Variants in FOXO3 observed in about 807,000 individuals in gnomAD.
FOXO3 encodes the protein forkhead box O3.
A neutral mutation model predicts 41.9 loss-of-function variants in FOXO3; 4 were observed. The observed-to-expected ratio is 0.10, with a 90% CI of 0.05 to 0.22. The LOEUF is 0.22. Among genes scored for constraint, FOXO3 ranks in the 10% least tolerant of loss-of-function variants. The pLI, the probability that FOXO3 is intolerant of heterozygous loss-of-function variation, is 1.00. For synonymous variants in FOXO3, 318 were observed against 389.3 expected (o/e 0.82, Z 2.16); for missense variants, 534 against 906.8 (o/e 0.59, Z 5.28).
rs146904213 is a variant in FOXO3 at position 108,566,101 on chromosome 6, G to T, written c.621+4272G>T. 6.7e-3 allele frequency among the ~76,000 whole-genome samples: 1,027 copies of T among 152,260 alleles called. 17 individuals are homozygous for T. Among genetic ancestry groups the T allele is most frequent in the South Asian group, 0.055 (266 of 4,822 alleles). Reference sequence around the variant, plus strand: ...CTCTTTCTACAGCCCCAGTACACTAGAGGGACTGTTTTTCCTCTTTTTCAA... The same window carrying T: ...CTCTTTCTACAGCCCCAGTACACTATAGGGACTGTTTTTCCTCTTTTTCAA... On this transcript the variant is annotated intron_variant, in intron 1 of 2. Coordinates refer to ENST00000406360, the MANE Select transcript of FOXO3 (RefSeq NM_001455.4).
At chr6:108,623,983 C>T (rs189071404) in intron 1 of FOXO3, among the ~76,000 whole-genome samples, 1 of 152,286 alleles carries the variant, frequency 6.6e-6, no homozygotes, top group East Asian at 1.9e-4. Flanking sequence ...GGACAAGTAG[C>T]AGTCCTTGTT....
At chr6:108,645,068 C>T (rs1254587057) in intron 1 of FOXO3, among the ~76,000 whole-genome samples, 1 of 152,186 alleles carries the variant, frequency 6.6e-6, no homozygotes, top group South Asian at 2.1e-4. Flanking sequence ...CACCACCACT[C>T]TGGCCCTGAT....
rs1770850078 is a variant in FOXO3 at position 108,681,495 on chromosome 6, CT to C, written c.*1705del. ...CACACCACCGGCCACCAGGGGCCCC[CT>C]TGTGCGCCTTGGCTTTATAACTCCT... On this transcript the variant is annotated 3_prime_UTR_variant, in exon 3 of 3. Transcript: ENST00000406360. 1 of 151,394 alleles carries C rather than the reference CT, an allele frequency of 6.6e-6. No individual in the cohort carries two copies. The highest frequency in any genetic ancestry group is 1.9e-4 in the East Asian group (1 of 5,162). 9.4% of individuals were successfully genotyped at this position (151,394 alleles called of 1,614,324 possible). A position where few individuals can be genotyped will look rare whatever the true frequency, so the allele number is the denominator to read the frequency against.
chr6:108,560,895 C>A, upstream of FOXO3: 4 of 1,105,978 alleles, frequency 3.6e-6, no homozygotes, highest in Non-Finnish European at 4.7e-6. Context: ...CTCGCGGCTC[C>A]ATCGCGGCCT....
intron 1 of FOXO3, among the ~76,000 whole-genome samples, chr6:108,592,762 G>C (rs534357517): frequency 6.6e-6 from 1 of 152,024 alleles, no homozygotes; most frequent in African/African-American, 2.4e-5. Flanking sequence ...GGCATTTGTC[G>C]GCCACAGCTG....
At chr6:108,592,282 A>G (rs1396187974) in intron 1 of FOXO3, among the ~76,000 whole-genome samples, 2 of 152,192 alleles carry the variant, frequency 1.3e-5, no homozygotes, top group South Asian at 2.1e-4. Context: ...TTTGTATGTA[A>G]GTTACACCTC....
At chr6:108,583,616 AG>A (rs1325606903) in intron 1 of FOXO3, among the ~76,000 whole-genome samples, 1 of 152,184 alleles carries the variant, frequency 6.6e-6, no homozygotes, top group Non-Finnish European at 1.5e-5. Flanking sequence ...TTGGGAATTA[AG>A]CCCCCAAAGC....
At chr6:108,670,081 TGGGAGAAG>T (rs1779173912) in intron 2 of FOXO3, among the ~76,000 whole-genome samples, 1 of 152,148 alleles carries the variant, frequency 6.6e-6, no homozygotes, top group East Asian at 1.9e-4. Context: ...TATATGGAGA[TGGGAGAAG>T]GGGGCTTTCT....
chr6:108,571,899 C>G (rs972632022), intron 1 of FOXO3, among the ~76,000 whole-genome samples: 4 of 152,152 alleles, frequency 2.6e-5, no homozygotes, highest in Non-Finnish European at 5.9e-5. Flanking sequence ...TATTTAGATT[C>G]AAATCAAAGT....
intron 1 of FOXO3, among the ~76,000 whole-genome samples, chr6:108,590,350 A>G (rs1237762898): frequency 6.6e-6 from 1 of 152,164 alleles, no homozygotes; most frequent in Admixed American, 6.5e-5. Flanking sequence ...TTGAAATCCA[A>G]AATGCTCCAA....
intron 1 of FOXO3, among the ~76,000 whole-genome samples, chr6:108,583,038 T>C (rs894795156): frequency 6.6e-6 from 1 of 152,144 alleles, no homozygotes; most frequent in Non-Finnish European, 1.5e-5. Context: ...GATGAGGATA[T>C]TAAGGATCAA....
intron 1 of FOXO3, among the ~76,000 whole-genome samples, chr6:108,592,576 C>A (rs988818890): frequency 7.2e-5 from 11 of 152,142 alleles, no homozygotes; most frequent in African/African-American, 2.7e-4. Context: ...TTTAAATTCA[C>A]TTCAAATTAT....
At chr6:108,615,610 G>GT (rs558052963) in intron 1 of FOXO3, among the ~76,000 whole-genome samples, 91 of 151,090 alleles carry the variant, frequency 6.0e-4, no homozygotes, top group African/African-American at 2.1e-3. Context: ...AGTGTTTATA[G>GT]TTTTTTATAA....
chr6:108,580,033 C>T (rs1776364751), intron 1 of FOXO3, among the ~76,000 whole-genome samples: 1 of 152,046 alleles, frequency 6.6e-6, no homozygotes, highest in Admixed American at 6.6e-5. Context: ...AATCTTCCTT[C>T]TGTGTTGGTG....
At chr6:108,562,991 T>G (rs1775857266) in intron 1 of FOXO3, among the ~76,000 whole-genome samples, 1 of 151,998 alleles carries the variant, frequency 6.6e-6, no homozygotes, top group Non-Finnish European at 1.5e-5. Context: ...GCAATTTAGC[T>G]TAGATTTTTT....
chr6:108,607,372 C>T (rs1324628940), intron 1 of FOXO3, among the ~76,000 whole-genome samples: 1 of 151,420 alleles, frequency 6.6e-6, no homozygotes, highest in Non-Finnish European at 1.5e-5. Context: ...ATTGCTTGAA[C>T]CTGGGAGGCG....
intron 1 of FOXO3, among the ~76,000 whole-genome samples, chr6:108,576,182 C>T (rs894978059): frequency 4.6e-5 from 7 of 152,178 alleles, no homozygotes; most frequent in Non-Finnish European, 7.4e-5. Context: ...TTTGAATAGA[C>T]ACATGTCCTC....
chr6:108,619,804 T>C (rs939646106), intron 1 of FOXO3, among the ~76,000 whole-genome samples: 1 of 152,234 alleles, frequency 6.6e-6, no homozygotes, highest in Non-Finnish European at 1.5e-5. Context: ...GTTGTATTGG[T>C]GTATCTGAAG....
intron 1 of FOXO3, among the ~76,000 whole-genome samples, chr6:108,615,674 C>T (rs974219135): frequency 1.3e-5 from 2 of 151,844 alleles, no homozygotes; most frequent in Non-Finnish European, 2.9e-5. Context: ...CATCCTCTCC[C>T]TCTTTCCTCT....
Sources: gnomAD v4.1 joint callset for allele counts (sites outside exome capture counted in the v4.1 genomes callset) on GRCh38, gnomAD v4.1.1 for gene constraint, MANE v1.5 for transcripts, NCBI Gene and HGNC (gene_info 2026-07-23, HGNC 2026-07-21) for gene names.